Variants in CDAN1 observed in about 807,000 individuals in gnomAD.
CDAN1 encodes codanin-1.
Under a neutral mutation model 139.8 loss-of-function variants are expected in CDAN1, and 107 were observed. That is an observed-to-expected ratio of 0.77 (90% confidence interval 0.65 to 0.90). The LOEUF is 0.90. Among genes scored for constraint, CDAN1 ranks in the 40% least tolerant of loss-of-function variants. CDAN1 has a pLI of 0.00. For synonymous variants in CDAN1, 776 were observed against 660.6 expected (o/e 1.17, Z -2.68); for missense variants, 1,667 against 1,575.7 (o/e 1.06, Z -0.98).
chr15:42,724,960 G>A (rs1356478190), intron 27 of CDAN1, 184 bp downstream of exon 27: 15 of 668,630 alleles, frequency 2.2e-5, no homozygotes, highest in South Asian at 6.7e-5. Context: ...CCTGCCTTTC[G>A]TCCGTCTTCC....
rs367940742 is a variant in CDAN1 at position 42,737,072 on chromosome 15, C to T, written c.31G>A (p.Glu11Lys). The T allele has an allele frequency of 2.0e-6, 3 of 1,536,086 alleles. No homozygotes were observed. Among genetic ancestry groups the T allele is most frequent in the Non-Finnish European group, 1.8e-6 (2 of 1,140,340 alleles). Residue 11 changes from glutamate to lysine, a missense_variant, in exon 1 of 28, where the codon GAA (glutamate) becomes AAA (lysine). By Grantham distance (56) the Glu-to-Lys change is moderately conservative (BLOSUM62 1). Transcript: ENST00000356231. ...ACGACGGCTGCGACCGACACCTCTT[C>T]TCGCAGCAGCGACTCCAAAACGGCC... MAAVLESLLREEVSVAAVVRW... is the reference protein window; with the variant it reads MAAVLESLLRKEVSVAAVVRW...
Position 42,735,107 on chromosome 15 carries a change from G to T in CDAN1, c.1129C>A (p.His377Asn). 6.2e-7 allele frequency: 1 copy of T among 1,612,426 alleles called. No individual in the cohort carries two copies. Among genetic ancestry groups the T allele is most frequent in the Non-Finnish European group, 8.5e-7 (1 of 1,178,574 alleles). ...TCAGCCAGGGAAACTCACTGAAAGT[G>T]ACACTCCAAAACCTGCACTGCAAAG... ...VFFAVQVLEC[H>N]FQVLSNLDKG... Residue 377 changes from histidine to asparagine, a missense_variant, in exon 6 of 28, where the codon CAC becomes AAC. His to Asn is a moderately conservative substitution (Grantham distance 68, BLOSUM62 1). Coordinates refer to ENST00000356231, the MANE Select transcript of CDAN1 (RefSeq NM_138477.4).
chr15:42,728,470 A>C (rs896692323), intron 20 of CDAN1, among the ~76,000 whole-genome samples, 182 bp downstream of exon 20: 37 of 151,618 alleles, frequency 2.4e-4, no homozygotes, highest in African/African-American at 8.7e-4. Context: ...TCCCAAACCT[A>C]GGTTTGGCTT....
chr15:42,725,615 C>T lies in CDAN1; in HGVS notation c.3324G>A (p.Gly1108=). The part of the protein sequence containing the change: ...GPPAQYRLER[G]QARRLLHMLL... Reference sequence around the variant, plus strand: ...GCATGTGCAGAAGCCTTCGAGCCTGCCCTCTCTCCAGCCTGTACTGTGCCG... The same window carrying T: ...GCATGTGCAGAAGCCTTCGAGCCTGTCCTCTCTCCAGCCTGTACTGTGCCG... The change falls in exon 26 of 28, where the codon GGG becomes GGA. Residue 1108 remains glycine (G), a synonymous_variant. Coordinates refer to ENST00000356231, the MANE Select transcript of CDAN1 (RefSeq NM_138477.4). 1 of 1,614,144 alleles carries T rather than the reference C, an allele frequency of 6.2e-7. No homozygotes were observed. The highest frequency in any genetic ancestry group is 8.5e-7 in the Non-Finnish European group (1 of 1,180,032).
At chr15:42,729,725 G>A (rs1215464775) in intron 16 of CDAN1, 71 bp downstream of exon 16, 1 of 1,590,078 alleles carries the variant, frequency 6.3e-7, no homozygotes, top group African/African-American at 1.3e-5. Context: ...GCCCCTGGCT[G>A]GGCCTCCCCA....
chr15:42,726,521 G>A, intron 23 of CDAN1, 104 bp from the exon 24 acceptor site: 1 of 897,340 alleles, frequency 1.1e-6, no homozygotes, highest in South Asian at 1.4e-5. Context: ...CAGAAGAATG[G>A]GCCCCGGGAT....
Position 42,735,371 on chromosome 15 carries a change from T to C in CDAN1, c.947A>G (p.Asn316Ser), listed in dbSNP as rs2140506423. The change falls in exon 5 of 28, where the codon AAC becomes AGC. Residue 316 changes from asparagine to serine, a missense_variant. This residue lies in a region of CDAN1 where 244 missense variants were observed against 309.4 expected (regional missense o/e 0.79). Coordinates refer to ENST00000356231, the MANE Select transcript of CDAN1 (RefSeq NM_138477.4). Reference protein sequence around the residue: ...ALVYSSCIAENLVPNLFLELF... With the variant: ...ALVYSSCIAESLVPNLFLELF... The stretch of plus-strand genomic sequence containing the variant: ...CTCCAAGAAGAGGTTTGGTACCAGG[T>C]TCTCTAGATAGATACAAAAAGAAAG... The C allele has an allele frequency of 6.2e-7, 1 of 1,602,886 alleles. No homozygotes were observed. The highest frequency in any genetic ancestry group is 8.5e-7 in the Non-Finnish European group (1 of 1,174,010).
At chr15:42,733,234 T>C in intron 8 of CDAN1, 48 bp from the exon 9 acceptor site, 2 of 1,477,992 alleles carry the variant, frequency 1.4e-6, no homozygotes, top group Non-Finnish European at 1.9e-6. Flanking sequence ...CTCCCACCAG[T>C]GCCTTCCTGC....
In CDAN1 at chr15:42,735,293, T is replaced by A. The variant is rs762286578; in HGVS notation, c.1025A>T (p.Asp342Val). Residue 342 changes from aspartate to valine, a missense_variant, in exon 5 of 28, where the codon GAC becomes GTC. Asp to Val is a radical substitution (Grantham distance 152). This residue lies in a region of CDAN1 where 244 missense variants were observed against 309.4 expected (regional missense o/e 0.79). Transcript: ENST00000356231. The stretch of plus-strand genomic sequence containing the variant: ...AGCTGGACTTAGTTCAGGGTCGCTG[T>A]CCTTGGCAGTCACCATCCTCCGGGC... The part of the protein sequence containing the change: ...LTARRMVTAK[D>V]SDPELSPAVL... 6.2e-7 allele frequency: 1 copy of A among 1,609,736 alleles called. No homozygotes were observed. The highest frequency in any genetic ancestry group is 1.1e-5 in the South Asian group (1 of 90,098).
intron 10 of CDAN1, 83 bp downstream of exon 10, chr15:42,732,250 C>T (rs1300950538): frequency 1.5e-6 from 2 of 1,293,388 alleles, no homozygotes; most frequent in South Asian, 1.2e-5. Context: ...AGGCTGTCTG[C>T]CCTATCCCAA....
rs1478067352 is a variant in CDAN1 at position 42,737,112 on chromosome 15, G to A, written c.-10C>T. On this transcript the variant is annotated 5_prime_UTR_variant, in exon 1 of 28. Transcript: ENST00000356231. The stretch of plus-strand genomic sequence containing the variant: ...CCAAAACGGCCGCCATCCCGGTCGG[G>A]GCGCTCTGGGGCGACTGCGCAGGCG... 7.5e-6 allele frequency: 11 copies of A among 1,468,094 alleles called. No homozygotes were observed. The highest frequency in any genetic ancestry group is 9.0e-6 in the Non-Finnish European group (10 of 1,106,370). The allele number at this position is 1,468,094 out of a possible 1,614,324, so 90.9% of individuals were successfully genotyped here.
rs189271595 is a variant in CDAN1 at position 42,726,021 on chromosome 15, T to C, written c.3268+76A>G. The C allele has an allele frequency of 1.3e-5, 16 of 1,209,904 alleles. No homozygotes were observed. In the African/African-American group the frequency reaches 2.2e-4, roughly 17 times the overall value. 74.9% of individuals were successfully genotyped at this position (1,209,904 alleles called of 1,614,324 possible). ...AAAAAGGGACAGAAGAGGGCTCTGTTTCTAATCTTGCTTGTACCCAACCCT... is the reference window on the plus strand; with the variant it reads ...AAAAAGGGACAGAAGAGGGCTCTGTCTCTAATCTTGCTTGTACCCAACCCT... On this transcript the variant is annotated intron_variant, in intron 25 of 27. Coordinates refer to ENST00000356231, the MANE Select transcript of CDAN1 (RefSeq NM_138477.4).
Position 42,729,569 on chromosome 15 carries a change from G to A in CDAN1, c.2406C>T (p.Ile802=), listed in dbSNP as rs145050561. ...QQLLYTCCPY[I]GELRKLLASW... is the part of the protein sequence containing the mutation. ...CGTCCAGGGAAGACCGGTGCTCACC[G>A]ATGTAGGGGCAGCAGGTGTAGAGCA... The change falls in exon 17 of 28, where the codon ATC becomes ATT. Residue 802 remains isoleucine, a splice_region_variant and synonymous_variant. Coordinates refer to ENST00000356231, the MANE Select transcript of CDAN1 (RefSeq NM_138477.4). 107 of 1,614,168 alleles carry A rather than the reference G, an allele frequency of 6.6e-5. No homozygotes were observed. Among genetic ancestry groups the A allele is most frequent in the East Asian group, 4.5e-4 (20 of 44,888 alleles).
chr15:42,725,465 G>A, intron 26 of CDAN1, 24 bp downstream of exon 26: 1 of 1,613,874 alleles, frequency 6.2e-7, no homozygotes. Flanking sequence ...GACTGCAGAG[G>A]GCTTCTTGTT....
rs1051388342 is a variant in CDAN1 at position 42,736,597 on chromosome 15, C to G, written c.274G>C (p.Gly92Arg). Residue 92 changes from glycine (G) to arginine (R), a missense_variant, in exon 2 of 28, where the codon GGT becomes CGT. Coordinates refer to ENST00000356231, the MANE Select transcript of CDAN1 (RefSeq NM_138477.4). ...LPGRPGGPPR[G>R]SRGARSQLFP... ...AGCTGGCTGCGCGCCCCGCGGCTAC[C>G]CCGCGGCGGGCCTCCCGGCCTCCCT... 6.7e-7 allele frequency: 1 copy of G among 1,502,044 alleles called. No individual in the cohort carries two copies. The highest frequency in any genetic ancestry group is 2.8e-5 in the East Asian group (1 of 35,772). 93.0% of individuals were successfully genotyped at this position (1,502,044 alleles called of 1,614,324 possible). A position where few individuals can be genotyped will look rare whatever the true frequency, so the allele number is the denominator to read the frequency against.
intron 27 of CDAN1, 148 bp from the exon 28 acceptor site, chr15:42,724,764 T>C (rs16957086): frequency 0.021 from 22,087 of 1,035,084 alleles, 271 homozygotes; most frequent in Middle Eastern, 0.027. Context: ...CCTTGTCTGT[T>C]TGTTAGTACT....
At position 42,736,089 on chromosome 15, in the gene CDAN1, T is replaced by C. The variant is rs375923006; in HGVS notation, c.570-11A>G. ...CGAGAAGGCTTCGTCCTGCTGAGAG[T>C]AGCCACAGGTTTTTCTCAAATTCCT... On this transcript the variant is annotated splice_polypyrimidine_tract_variant and intron_variant, in intron 2 of 27. Coordinates refer to ENST00000356231, the MANE Select transcript of CDAN1 (RefSeq NM_138477.4). 2 of 1,613,424 alleles carry C rather than the reference T, an allele frequency of 1.2e-6. No homozygotes were observed. The highest frequency in any genetic ancestry group is 1.7e-6 in the Non-Finnish European group (2 of 1,179,532).
Position 42,735,090 on chromosome 15 carries a change from G to A in CDAN1, c.1136+10C>T, listed in dbSNP as rs1041044319. 4 of 1,605,280 alleles carry A rather than the reference G, an allele frequency of 2.5e-6. No homozygotes were observed. Among genetic ancestry groups the A allele is most frequent in the Admixed American group, 3.3e-5 (2 of 59,876 alleles). On this transcript the variant is annotated intron_variant, in intron 6 of 27. Coordinates refer to ENST00000356231, the MANE Select transcript of CDAN1 (RefSeq NM_138477.4). The stretch of plus-strand genomic sequence containing the variant: ...AATGAGGCCCAAATGCCTCAGCCAG[G>A]GAAACTCACTGAAAGTGACACTCCA...
intron 9 of CDAN1, 42 bp downstream of exon 9, chr15:42,733,055 A>C (rs768769046): frequency 2.0e-6 from 3 of 1,526,608 alleles, no homozygotes; most frequent in Admixed American, 3.3e-5. Context: ...GCACTGAGCT[A>C]CTCATTGCCA....
Sources: allele counts gnomAD v4.1 joint callset (sites outside exome capture counted in the v4.1 genomes callset), GRCh38; gene constraint gnomAD v4.1.1; regional missense constraint gnomAD v4.1.1; transcripts MANE v1.5; gene names NCBI Gene and HGNC (gene_info 2026-07-23, HGNC 2026-07-21).